Variants in TMTC1 observed in about 807,000 individuals in gnomAD.
The protein encoded by TMTC1 is protein O-mannosyl-transferase TMTC1.
Under a neutral mutation model 104.8 loss-of-function variants are expected in TMTC1, and 73 were observed. The observed-to-expected ratio is 0.70, with a 90% CI of 0.58 to 0.85. The LOEUF is 0.85. Among genes scored for constraint, TMTC1 ranks in the 40% least tolerant of loss-of-function variants. TMTC1 has a pLI of 0.00. For synonymous variants in TMTC1, 434 were observed against 428.7 expected, an observed-to-expected ratio of 1.01 and a Z score of -0.15; for missense variants, 1,035 against 1,096.1, an observed-to-expected ratio of 0.94 and a Z score of 0.79.
intron 10 of TMTC1, among the ~76,000 whole-genome samples, chr12:29,536,687 T>C (rs551001557): frequency 9.0e-4 from 137 of 152,298 alleles, no homozygotes; most frequent in Middle Eastern, 6.8e-3. Flanking sequence ...CAATTTACAA[T>C]GATGTGAAGA....
intron 6 of TMTC1, among the ~76,000 whole-genome samples, chr12:29,630,332 G>A (rs993330435): frequency 1.3e-5 from 2 of 152,154 alleles, no homozygotes; most frequent in Admixed American, 6.5e-5. Context: ...TGGGCAGCAG[G>A]AGACAGAATG....
intron 10 of TMTC1, among the ~76,000 whole-genome samples, chr12:29,539,272 T>C (rs1944728428): frequency 6.6e-6 from 1 of 151,836 alleles, no homozygotes; most frequent in Non-Finnish European, 1.5e-5. Flanking sequence ...TTTTCATATC[T>C]GTATTATAGC....
chr12:29,736,533 C>T (rs1051025344), intron 5 of TMTC1, among the ~76,000 whole-genome samples: 5 of 152,084 alleles, frequency 3.3e-5, no homozygotes, highest in African/African-American at 1.2e-4. Context: ...GATTCTCCTG[C>T]CTCAGCCTCC....
At chr12:29,647,775 A>T (rs959736344) in intron 5 of TMTC1, among the ~76,000 whole-genome samples, 6 of 152,244 alleles carry the variant, frequency 3.9e-5, no homozygotes, top group Non-Finnish European at 7.3e-5. Flanking sequence ...TCATGAAAAA[A>T]TATGATGCTA....
chr12:29,727,785 T>TTTTTG (rs1555193130), intron 5 of TMTC1, among the ~76,000 whole-genome samples: 5 of 151,912 alleles, frequency 3.3e-5, no homozygotes, highest in East Asian at 1.9e-4. Flanking sequence ...TTGTAGCAGT[T>TTTTTG]TTTTGTTTTG....
chr12:29,539,159 G>A (rs947077587), intron 10 of TMTC1, among the ~76,000 whole-genome samples: 2 of 152,124 alleles, frequency 1.3e-5, no homozygotes, highest in African/African-American at 2.4e-5. Flanking sequence ...ACTTAGAGAA[G>A]ATAATTCATC....
At chr12:29,542,261 G>A (rs1206999437) in intron 10 of TMTC1, among the ~76,000 whole-genome samples, 2 of 152,128 alleles carry the variant, frequency 1.3e-5, no homozygotes, top group Non-Finnish European at 2.9e-5. Context: ...AAGAACTCAT[G>A]TGATACTAAA....
At chr12:29,664,223 TA>T (rs1271313966) in intron 5 of TMTC1, among the ~76,000 whole-genome samples, 13 of 147,128 alleles carry the variant, frequency 8.8e-5, no homozygotes, top group East Asian at 2.0e-4. Flanking sequence ...AATAAAAAAA[TA>T]AAAAAAATAA....
rs76037046 is a variant in TMTC1, at chr12:29,514,177, G to A, written c.2430+305C>T. Reference sequence around the variant, plus strand: ...AGGTACTAGTCCAGCTGGAATAGAAGGTCTTGCAGGCAGAGACACAGACAG... The same window carrying A: ...AGGTACTAGTCCAGCTGGAATAGAAAGTCTTGCAGGCAGAGACACAGACAG... On this transcript the variant is annotated intron_variant, in intron 16 of 17. Coordinates refer to ENST00000539277, the MANE Select transcript of TMTC1 (RefSeq NM_001193451.2). 2.3e-3 allele frequency among the ~76,000 whole-genome samples: 344 copies of A among 152,244 alleles called. 9 individuals are homozygous for A. The East Asian group carries it at 0.058, about 26-fold the overall frequency.
At position 29,583,431 on chromosome 12, in the gene TMTC1, C is replaced by T; in HGVS notation, c.1394G>A (p.Trp465Ter). 3 of 1,613,824 alleles carry T rather than the reference C, an allele frequency of 1.9e-6. No individual in the cohort carries two copies. The highest frequency in any genetic ancestry group is 2.5e-6 in the Non-Finnish European group (3 of 1,179,822). Reference sequence around the variant, plus strand: ...CCTGAATAGGGACTCTCTTGACAGCCAAATTTCATTCTGTTTCACAGTTTT... The same window carrying T: ...CCTGAATAGGGACTCTCTTGACAGCTAAATTTCATTCTGTTTCACAGTTTT... ...SWKTVKQNEI[W>*]LSRESLFRSG... The change falls in exon 8 of 18, where the codon TGG (tryptophan) becomes TAG (stop). Residue 465 changes from tryptophan (W) to a stop codon, truncating the protein, a stop_gained. Coordinates refer to ENST00000539277, the MANE Select transcript of TMTC1 (RefSeq NM_001193451.2). LOFTEE classifies it high-confidence loss of function.
intron 5 of TMTC1, among the ~76,000 whole-genome samples, chr12:29,651,748 G>A (rs762298093): frequency 2.0e-5 from 3 of 152,218 alleles, no homozygotes; most frequent in East Asian, 1.9e-4. Context: ...GCATAGGTGT[G>A]TGAGATTTTA....
At chr12:29,739,716 T>C (rs191388289) in intron 5 of TMTC1, among the ~76,000 whole-genome samples, 3 of 149,238 alleles carry the variant, frequency 2.0e-5, no homozygotes, top group South Asian at 2.1e-4. Context: ...ATCTTTTTTG[T>C]TTTTTTTTCC....
chr12:29,719,842 T>C (rs1219685446), intron 5 of TMTC1, among the ~76,000 whole-genome samples: 1 of 152,248 alleles, frequency 6.6e-6, no homozygotes, highest in African/African-American at 2.4e-5. Context: ...GAAAATATTT[T>C]ATCTGGCAGT....
chr12:29,676,876 G>A (rs965531942), intron 5 of TMTC1, among the ~76,000 whole-genome samples: 2 of 152,194 alleles, frequency 1.3e-5, no homozygotes, highest in Admixed American at 1.3e-4. Flanking sequence ...GAGTCATTAA[G>A]TCTTGACAGA....
At chr12:29,557,639 T>C (rs1592228963) in intron 9 of TMTC1, among the ~76,000 whole-genome samples, 1 of 152,092 alleles carries the variant, frequency 6.6e-6, no homozygotes, top group African/African-American at 2.4e-5. Context: ...TAGGAGAGAC[T>C]GGGTTTCGCC....
chr12:29,716,483 T>A (rs979592891), intron 5 of TMTC1, among the ~76,000 whole-genome samples: 2 of 152,192 alleles, frequency 1.3e-5, no homozygotes, highest in African/African-American at 4.8e-5. Flanking sequence ...ACATTAATAC[T>A]GTTTTAATAA....
At chr12:29,772,318 T>C (rs1444412840) in intron 1 of TMTC1, among the ~76,000 whole-genome samples, 2 of 152,166 alleles carry the variant, frequency 1.3e-5, no homozygotes, top group African/African-American at 2.4e-5. Flanking sequence ...ATTCCTATCA[T>C]ATTCCTAACC....
chr12:29,710,709 A>G (rs1941882071), intron 5 of TMTC1, among the ~76,000 whole-genome samples: 1 of 138,274 alleles, frequency 7.2e-6, no homozygotes, highest in South Asian at 2.1e-4. Context: ...ATAAATATGT[A>G]TTTATAATTT....
chr12:29,595,103 A>G (rs1443185524), intron 7 of TMTC1, among the ~76,000 whole-genome samples: 4 of 152,182 alleles, frequency 2.6e-5, no homozygotes, highest in Non-Finnish European at 5.9e-5. Flanking sequence ...TCTGAATCCA[A>G]ATTATACTTT....
Sources: allele counts gnomAD v4.1 joint callset (sites outside exome capture counted in the v4.1 genomes callset), GRCh38; gene constraint gnomAD v4.1.1; transcripts MANE v1.5; gene names NCBI Gene and HGNC (gene_info 2026-07-23, HGNC 2026-07-21).